BBS9: variants seen among roughly 807,000 people sequenced by gnomAD.
BBS9 encodes Bardet-Biedl syndrome 9, also known as protein PTHB1.
A neutral mutation model predicts 117.7 loss-of-function variants in BBS9; 89 were observed. The observed-to-expected ratio is 0.76, with a 90% CI of 0.64 to 0.90. The LOEUF is 0.90. Ranked by LOEUF, BBS9 falls within the 40% of genes least tolerant of loss-of-function variation. The pLI is 0.00. For missense variants in BBS9, 982 were observed against 1,042.2 expected (o/e 0.94, Z 0.80); for synonymous variants, 379 against 370.9 (o/e 1.02, Z -0.25).
chr7:33,437,055 AC>A (rs1835401505), intron 19 of BBS9, among the ~76,000 whole-genome samples: 1 of 152,190 alleles, frequency 6.6e-6, no homozygotes, highest in Admixed American at 6.5e-5. Context: ...GGAAAAAGAA[AC>A]CATCTACAGC....
At chr7:33,270,709 A>G (rs74817558) in intron 7 of BBS9, among the ~76,000 whole-genome samples, 5,771 of 152,304 alleles carry the variant, frequency 0.038, 199 homozygotes, top group African/African-American at 0.088. Flanking sequence ...ATTTGGCATT[A>G]TGTAAAGAGA....
intron 21 of BBS9, among the ~76,000 whole-genome samples, chr7:33,536,622 G>C (rs1290835016): frequency 1.4e-5 from 2 of 146,838 alleles, no homozygotes; most frequent in African/African-American, 2.6e-5. Flanking sequence ...GACCACAGTG[G>C]TACAGATTTG....
At chr7:33,406,667 A>C (rs1451640391) in intron 19 of BBS9, among the ~76,000 whole-genome samples, 1 of 151,782 alleles carries the variant, frequency 6.6e-6, no homozygotes, top group African/African-American at 2.4e-5. Context: ...TTGTCTGTAA[A>C]GTATTTTATT....
chr7:33,466,512 A>ATG (rs1407017961), intron 19 of BBS9, among the ~76,000 whole-genome samples: 1 of 152,066 alleles, frequency 6.6e-6, no homozygotes, highest in Admixed American at 6.6e-5. Context: ...TCTTTTGTGT[A>ATG]TGTGTGTGTA....
chr7:33,453,521 T>A (rs1312870947), intron 19 of BBS9, among the ~76,000 whole-genome samples: 1 of 115,918 alleles, frequency 8.6e-6, no homozygotes, highest in Non-Finnish European at 1.9e-5. Flanking sequence ...TCCTTGTGAC[T>A]TTTTTTTTTT....
intron 17 of BBS9, among the ~76,000 whole-genome samples, chr7:33,376,234 C>G (rs1823865830): frequency 6.6e-6 from 1 of 152,034 alleles, no homozygotes; most frequent in Admixed American, 6.6e-5. Flanking sequence ...CTGCTTGTAT[C>G]CATGTGTTCT....
At chr7:33,520,094 C>T (rs111686664) in intron 20 of BBS9, among the ~76,000 whole-genome samples, 9 of 151,840 alleles carry the variant, frequency 5.9e-5, no homozygotes, top group African/African-American at 1.9e-4. Context: ...CCGCAACCTC[C>T]GCTTCTGGGG....
chr7:33,219,173 C>T (rs1233253571), intron 5 of BBS9, among the ~76,000 whole-genome samples: 2 of 152,214 alleles, frequency 1.3e-5, no homozygotes, highest in Non-Finnish European at 2.9e-5. Context: ...ACCACTGGCG[C>T]TGCGCTCAAT....
intron 19 of BBS9, among the ~76,000 whole-genome samples, chr7:33,418,172 T>A (rs1832307042): frequency 6.6e-6 from 1 of 152,220 alleles, no homozygotes; most frequent in Non-Finnish European, 1.5e-5. Context: ...TATTGGTTTC[T>A]CTGGTTGTGT....
intron 9 of BBS9, among the ~76,000 whole-genome samples, chr7:33,277,720 C>G (rs1584045275): frequency 1.3e-5 from 2 of 152,100 alleles, no homozygotes; most frequent in South Asian, 4.2e-4. Flanking sequence ...GGGAAATGAT[C>G]CTGTTGCATG....
Position 33,505,557 on chromosome 7 carries a change from T to C in BBS9, c.2210T>C (p.Leu737Pro). The C allele has an allele frequency of 6.2e-7, 1 of 1,614,180 alleles. No individual in the cohort carries two copies. Among genetic ancestry groups the C allele is most frequent in the Non-Finnish European group, 8.5e-7 (1 of 1,179,994 alleles). The change falls in exon 20 of 23, where the codon CTG (leucine) becomes CCG (proline). Residue 737 changes from leucine to proline, a missense_variant. Coordinates refer to ENST00000242067, the MANE Select transcript of BBS9 (RefSeq NM_198428.3). ...LKSATHLVIL[L>P]IALWQKLSAD... ...AGTGCCACCCATTTGGTGATTCTGC[T>C]GATCGCGCTGTGGCAGAAGCTTAGT... is the stretch of plus-strand genomic sequence containing the variant.
intron 19 of BBS9, among the ~76,000 whole-genome samples, chr7:33,449,007 A>AG (rs1397661604): frequency 6.6e-6 from 1 of 152,260 alleles, no homozygotes; most frequent in Non-Finnish European, 1.5e-5. Flanking sequence ...AACTTGCACA[A>AG]GGTCACACAG....
intron 19 of BBS9, among the ~76,000 whole-genome samples, chr7:33,478,097 A>G (rs1039112918): frequency 5.3e-5 from 8 of 152,158 alleles, no homozygotes; most frequent in African/African-American, 1.9e-4. Context: ...GAAATTCCAG[A>G]TCTGTGAAAT....
At position 33,491,030 on chromosome 7, in the gene BBS9, G is replaced by A. The variant is rs115303403; in HGVS notation, c.2116-14433G>A. 6.5e-3 allele frequency among the ~76,000 whole-genome samples: 990 copies of A among 152,222 alleles called. 9 individuals are homozygous for A. The highest frequency in any genetic ancestry group is 0.022 in the African/African-American group (897 of 41,530). Reference sequence around the variant, plus strand: ...AGCCCCACTGCACAGTTTCATTATAGAGACCATATGAAGGAACTCATGCTT... The same window carrying A: ...AGCCCCACTGCACAGTTTCATTATAAAGACCATATGAAGGAACTCATGCTT... On this transcript the variant is annotated intron_variant, in intron 19 of 22. Coordinates refer to ENST00000242067, the MANE Select transcript of BBS9 (RefSeq NM_198428.3).
At chr7:33,588,349 A>G (rs962881450) in intron 21 of BBS9, among the ~76,000 whole-genome samples, 7 of 152,054 alleles carry the variant, frequency 4.6e-5, no homozygotes, top group South Asian at 2.1e-4. Context: ...CTGCTTTCCA[A>G]CCTCCCAGCG....
At chr7:33,194,398 A>G (rs1175736777) in intron 5 of BBS9, among the ~76,000 whole-genome samples, 1 of 152,184 alleles carries the variant, frequency 6.6e-6, no homozygotes, top group Non-Finnish European at 1.5e-5. Context: ...TGGTCACCAT[A>G]TTTTAAAGAT....
chr7:33,487,820 G>GT (rs1316434018), intron 19 of BBS9, among the ~76,000 whole-genome samples: 1 of 152,126 alleles, frequency 6.6e-6, no homozygotes, highest in African/African-American at 2.4e-5. Flanking sequence ...GAAATGTAAG[G>GT]TTGAGGCTCA....
chr7:33,472,358 G>A (rs574686110), intron 19 of BBS9, among the ~76,000 whole-genome samples: 1 of 152,302 alleles, frequency 6.6e-6, no homozygotes, highest in Admixed American at 6.5e-5. Flanking sequence ...GTGGATAATA[G>A]CAAAGCAAAA....
chr7:33,168,424 CTT>C (rs1341752594), intron 4 of BBS9, among the ~76,000 whole-genome samples: 1 of 152,172 alleles, frequency 6.6e-6, no homozygotes, highest in Admixed American at 6.5e-5. Flanking sequence ...GATCCTATCT[CTT>C]TTTCCTCCTC....
Sources: gnomAD v4.1 joint callset for allele counts (sites outside exome capture counted in the v4.1 genomes callset) on GRCh38, gnomAD v4.1.1 for gene constraint, MANE v1.5 for transcripts, NCBI Gene and HGNC (gene_info 2026-07-23, HGNC 2026-07-21) for gene names.